Variants in PTPRD observed in about 807,000 individuals in gnomAD.
PTPRD encodes receptor-type tyrosine-protein phosphatase delta.
Under a neutral mutation model 214.5 loss-of-function variants are expected in PTPRD, and 34 were observed. The observed-to-expected ratio is 0.16, with a 90% CI of 0.12 to 0.21. The LOEUF (loss-of-function observed/expected upper bound fraction) is 0.21. PTPRD is among the 10% of genes least tolerant of loss of function. The probability of loss-of-function intolerance (pLI) is 1.00; values close to 1 mark genes in which losing one functional copy is unlikely to be tolerated. For synonymous variants in PTPRD, 1,128 were observed against 845.7 expected (o/e 1.33, Z -5.79); for missense variants, 2,545 against 2,398.7 (o/e 1.06, Z -1.27).
chr9:8,712,275 G>A lies in PTPRD; in HGVS notation c.64+21505C>T, dbSNP rs79115588. 9.2e-3 allele frequency among the ~76,000 whole-genome samples: 1,395 copies of A among 152,236 alleles called. 32 individuals are homozygous for A. The highest frequency in any genetic ancestry group is 0.032 in the African/African-American group (1,330 of 41,536). On this transcript the variant is annotated intron_variant, in intron 12 of 45. Transcript: ENST00000381196. ...GATATTGTAAGAGTAAAGACAGCCTGTATCAACAGTATTTTCTTGTTCTGA... is the reference window on the plus strand; with the variant it reads ...GATATTGTAAGAGTAAAGACAGCCTATATCAACAGTATTTTCTTGTTCTGA...
chr9:8,995,313 T>A (rs1389201204), intron 11 of PTPRD, among the ~76,000 whole-genome samples: 1 of 152,036 alleles, frequency 6.6e-6, no homozygotes, highest in East Asian at 1.9e-4. Flanking sequence ...ATTGACCTAT[T>A]CACAAGTAAA....
intron 5 of PTPRD, among the ~76,000 whole-genome samples, chr9:9,929,237 T>C (rs563097218): frequency 1.1e-4 from 16 of 152,232 alleles, no homozygotes; most frequent in African/African-American, 3.1e-4. Context: ...AAGAGTAAAT[T>C]AACAATTAAA....
At chr9:9,379,386 A>G (rs2061578068) in intron 9 of PTPRD, among the ~76,000 whole-genome samples, 1 of 151,758 alleles carries the variant, frequency 6.6e-6, no homozygotes, top group Non-Finnish European at 1.5e-5. Context: ...ATTCCATAAA[A>G]TTGATCTACT....
intron 35 of PTPRD, among the ~76,000 whole-genome samples, chr9:8,410,550 G>A (rs1158877096): frequency 6.6e-6 from 1 of 152,124 alleles, no homozygotes; most frequent in Non-Finnish European, 1.5e-5. Context: ...GAGTGTGAAG[G>A]ATTGAAATAA....
intron 11 of PTPRD, among the ~76,000 whole-genome samples, chr9:8,781,109 C>A (rs1285936942): frequency 6.6e-6 from 1 of 151,876 alleles, no homozygotes; most frequent in Non-Finnish European, 1.5e-5. Context: ...TTTTCCAGTC[C>A]CTGATTAAAA....
chr9:8,403,469 C>A (rs553534552), intron 36 of PTPRD, among the ~76,000 whole-genome samples: 1 of 152,300 alleles, frequency 6.6e-6, no homozygotes, highest in African/African-American at 2.4e-5. Context: ...TTTAAGTGGC[C>A]TCCTAAACTA....
chr9:10,268,662 C>T (rs1407004410), intron 3 of PTPRD, among the ~76,000 whole-genome samples: 2 of 152,184 alleles, frequency 1.3e-5, no homozygotes, highest in East Asian at 3.9e-4. Context: ...TCATCTGTTA[C>T]TCACATTGTC....
intron 39 of PTPRD, among the ~76,000 whole-genome samples, chr9:8,357,631 A>T (rs757605400): frequency 3.3e-5 from 5 of 152,320 alleles, no homozygotes; most frequent in Non-Finnish European, 7.4e-5. Flanking sequence ...CCACTCAAGG[A>T]AAATGAAGTT....
chr9:10,531,838 A>G (rs750321889), intron 2 of PTPRD, among the ~76,000 whole-genome samples: 9 of 152,142 alleles, frequency 5.9e-5, no homozygotes, highest in Non-Finnish European at 1.3e-4. Flanking sequence ...ACAAATTTAC[A>G]TTTTCAAAGA....
intron 2 of PTPRD, among the ~76,000 whole-genome samples, chr9:10,348,553 A>C (rs1394830879): frequency 6.6e-6 from 1 of 152,190 alleles, no homozygotes; most frequent in Admixed American, 6.5e-5. Context: ...TTGGTCAGAT[A>C]AAGCATAAAA....
rs577584457 is a variant in PTPRD, at chr9:9,183,574, A to G, written c.-202-211T>C. 7.2e-5 allele frequency among the ~76,000 whole-genome samples: 11 copies of G among 152,142 alleles called. No homozygotes were observed. The South Asian group carries it at 1.9e-3, about 26-fold the overall frequency. On this transcript the variant is annotated intron_variant, in intron 9 of 45. Coordinates refer to ENST00000381196, the MANE Select transcript of PTPRD (RefSeq NM_002839.4). ...GCCAAAAACCAACATGGAAATCACT[A>G]TTGTTCACAGGCTATAAAGCAGAAT...
At chr9:9,171,662 G>A (rs1407776561) in intron 10 of PTPRD, among the ~76,000 whole-genome samples, 1 of 151,884 alleles carries the variant, frequency 6.6e-6, no homozygotes, top group East Asian at 1.9e-4. Flanking sequence ...AAGAGAGACT[G>A]CAGGTAGACA....
intron 12 of PTPRD, among the ~76,000 whole-genome samples, chr9:8,682,733 T>C (rs1388361790): frequency 6.6e-6 from 1 of 152,204 alleles, no homozygotes; most frequent in Admixed American, 6.5e-5. Flanking sequence ...GGTCTGAGTA[T>C]ATTTTCATTA....
intron 3 of PTPRD, among the ~76,000 whole-genome samples, chr9:10,101,875 C>G (rs917576809): frequency 5.9e-5 from 9 of 151,548 alleles, no homozygotes; most frequent in African/African-American, 2.2e-4. Flanking sequence ...GCTGAGTGAC[C>G]TGGTTTTAGG....
intron 44 of PTPRD, among the ~76,000 whole-genome samples, chr9:8,331,207 G>GT (rs1840449621): frequency 6.6e-6 from 1 of 151,826 alleles, no homozygotes; most frequent in Non-Finnish European, 1.5e-5. Context: ...TATTCATGAG[G>GT]TTTTCACAAA....
chr9:10,418,683 G>A (rs1468968940), intron 2 of PTPRD, among the ~76,000 whole-genome samples: 1 of 151,560 alleles, frequency 6.6e-6, no homozygotes, highest in African/African-American at 2.4e-5. Context: ...TTTATTTCCA[G>A]GGCCTAGGTC....
intron 9 of PTPRD, among the ~76,000 whole-genome samples, chr9:9,195,437 A>T (rs539210787): frequency 1.3e-5 from 2 of 152,130 alleles, no homozygotes; most frequent in Non-Finnish European, 2.9e-5. Context: ...ATACAGGCCA[A>T]TTGGTCATAT....
intron 3 of PTPRD, among the ~76,000 whole-genome samples, chr9:10,145,017 A>T (rs1458999338): frequency 1.3e-5 from 2 of 152,150 alleles, no homozygotes; most frequent in Admixed American, 1.3e-4. Context: ...TCAGGAAAAA[A>T]AATATGAAAA....
chr9:8,858,868 G>A (rs1009592461), intron 11 of PTPRD, among the ~76,000 whole-genome samples: 1 of 150,942 alleles, frequency 6.6e-6, no homozygotes. Flanking sequence ...CACACCAGAG[G>A]AGGGGGCGGG....
Sources: gnomAD v4.1 joint callset for allele counts (sites outside exome capture counted in the v4.1 genomes callset) on GRCh38, gnomAD v4.1.1 for gene constraint, MANE v1.5 for transcripts, NCBI Gene and HGNC (gene_info 2026-07-23, HGNC 2026-07-21) for gene names.